Variants in XPO6 observed in about 807,000 individuals in gnomAD.
XPO6 encodes the protein exportin 6.
XPO6 carries 3 observed loss-of-function variants against 130.0 expected under a neutral mutation model. That is an observed-to-expected ratio of 0.02 (90% CI 0.01 to 0.06). XPO6 has a LOEUF of 0.06. Ranked by LOEUF, XPO6 falls within the 10% of genes least tolerant of loss-of-function variation. XPO6 has a pLI of 1.00. For missense variants in XPO6, 970 were observed against 1,393.0 expected (o/e 0.70, Z 4.83); for synonymous variants, 524 against 548.9 (o/e 0.95, Z 0.63).
In XPO6 at chr16:28,124,160, C is replaced by A. The variant is rs949542866; in HGVS notation, c.1766+1529G>T. Among the ~76,000 whole-genome samples the A allele has an allele frequency of 5.9e-5, 9 of 151,558 alleles. No individual in the cohort carries two copies. The East Asian group carries it at 1.8e-3, about 30-fold the overall frequency. Reference sequence around the variant, plus strand: ...GCAACCTCCGCCTCCCAGGTTCAAGCGATTCTCCTGTCTCAGCCTCCTGAG... The same window carrying A: ...GCAACCTCCGCCTCCCAGGTTCAAGAGATTCTCCTGTCTCAGCCTCCTGAG... On this transcript the variant is annotated intron_variant, in intron 13 of 23. Transcript: ENST00000304658.
intron 9 of XPO6, among the ~76,000 whole-genome samples, chr16:28,139,127 A>G (rs2141776978): frequency 6.6e-6 from 1 of 152,330 alleles, no homozygotes. Flanking sequence ...TAAAAAGGTA[A>G]TAAAGTTATG....
intron 9 of XPO6, among the ~76,000 whole-genome samples, chr16:28,143,962 A>G (rs1002815130): frequency 6.6e-6 from 1 of 152,170 alleles, no homozygotes; most frequent in Admixed American, 6.5e-5. Flanking sequence ...AAGCATTTTC[A>G]TATTAATCAT....
At chr16:28,209,345 T>C (rs2044087200) in intron 1 of XPO6, among the ~76,000 whole-genome samples, 1 of 152,002 alleles carries the variant, frequency 6.6e-6, no homozygotes, top group African/African-American at 2.4e-5. Flanking sequence ...AAAACAAAAC[T>C]TAAGTATATT....
intron 15 of XPO6, among the ~76,000 whole-genome samples, chr16:28,114,146 T>TG (rs1198265077): frequency 6.9e-6 from 1 of 144,854 alleles, no homozygotes; most frequent in Non-Finnish European, 1.5e-5. Context: ...ATATGTAAGA[T>TG]GGACATAAAA....
intron 4 of XPO6, among the ~76,000 whole-genome samples, chr16:28,170,924 A>G (rs2043438380): frequency 6.6e-6 from 1 of 152,202 alleles, no homozygotes; most frequent in South Asian, 2.1e-4. Flanking sequence ...CTTATTTTTT[A>G]ATTTCCAGAA....
At chr16:28,146,248 C>T in intron 8 of XPO6, 45 bp from the exon 9 acceptor site, 1 of 1,348,058 alleles carries the variant, frequency 7.4e-7, no homozygotes. Context: ...TTTAATGCTA[C>T]TATTCCTTAG....
At chr16:28,169,676 T>C in intron 5 of XPO6, 74 bp downstream of exon 5, 1 of 1,563,242 alleles carries the variant, frequency 6.4e-7, no homozygotes, top group Non-Finnish European at 8.7e-7. Flanking sequence ...TGCTCAAAGC[T>C]GCTGAGTGCC....
At chr16:28,186,466 T>C (rs1406506667) in intron 1 of XPO6, among the ~76,000 whole-genome samples, 1 of 142,478 alleles carries the variant, frequency 7.0e-6, no homozygotes, top group African/African-American at 2.6e-5. Context: ...TCAAACTCCT[T>C]GGCTCAAGCA....
chr16:28,192,868 A>C (rs1455872697), intron 1 of XPO6, among the ~76,000 whole-genome samples: 1 of 152,176 alleles, frequency 6.6e-6, no homozygotes, highest in East Asian at 1.9e-4. Flanking sequence ...TGTTTTCTCT[A>C]ATGGGAAACA....
intron 15 of XPO6, among the ~76,000 whole-genome samples, chr16:28,114,709 A>G (rs948387781): frequency 6.6e-6 from 1 of 152,188 alleles, no homozygotes; most frequent in African/African-American, 2.4e-5. Flanking sequence ...AAATAAGACA[A>G]CAATGAAGTT....
chr16:28,101,738 C>A lies in XPO6; in HGVS notation c.3046-50G>T. ...CAGCAGCCAGCCCCCAGGGGCCTGTCCCGGGTCCCATCCACTTTCTGTCAC... is the reference window on the plus strand; with the variant it reads ...CAGCAGCCAGCCCCCAGGGGCCTGTACCGGGTCCCATCCACTTTCTGTCAC... On this transcript the variant is annotated intron_variant, in intron 22 of 23. Coordinates refer to ENST00000304658, the MANE Select transcript of XPO6 (RefSeq NM_015171.4). The surrounding 1 kb of genome is among the most constrained non-coding windows in gnomAD (Gnocchi z 5.4). 1 of 1,585,684 alleles carries A rather than the reference C, an allele frequency of 6.3e-7. No individual in the cohort carries two copies. Among genetic ancestry groups the A allele is most frequent in the Non-Finnish European group, 8.6e-7 (1 of 1,162,120 alleles).
chr16:28,133,679 A>G (rs948217260), intron 11 of XPO6, among the ~76,000 whole-genome samples, 162 bp downstream of exon 11: 4 of 152,220 alleles, frequency 2.6e-5, no homozygotes, highest in East Asian at 1.9e-4. Context: ...GGAAATGTTA[A>G]TATTTGTTCA....
intron 17 of XPO6, among the ~76,000 whole-genome samples, chr16:28,108,732 C>T (rs1005494823): frequency 1.3e-5 from 2 of 152,192 alleles, no homozygotes; most frequent in African/African-American, 4.8e-5. Context: ...CTGGGTCCCC[C>T]GAACCCCAGT....
chr16:28,152,642 T>G lies in XPO6; in HGVS notation c.1224+17A>C, dbSNP rs769783924. 1 of 1,599,054 alleles carries G rather than the reference T, an allele frequency of 6.3e-7. No individual in the cohort carries two copies. The highest frequency in any genetic ancestry group is 8.5e-7 in the Non-Finnish European group (1 of 1,176,302). ...AAACCTTTTCTCTGGAAGGGAAGGA[T>G]GACTTTGGTGCTTTACCTGATGAAA... On this transcript the variant is annotated intron_variant, in intron 8 of 23. Transcript: ENST00000304658.
Position 28,129,889 on chromosome 16 carries a change from G to C in XPO6, c.1606+2445C>G, listed in dbSNP as rs12598801. Among the ~76,000 whole-genome samples, 116 of 152,342 alleles carry C rather than the reference G, an allele frequency of 7.6e-4. 1 individual carries two copies. The East Asian group carries it at 0.021, about 28-fold the overall frequency. Reference sequence around the variant, plus strand: ...AAGATGCCAATGAGGGGTGGCAGAAGTCAAATACAGAATGGAGGCTTTGGG... The same window carrying C: ...AAGATGCCAATGAGGGGTGGCAGAACTCAAATACAGAATGGAGGCTTTGGG... On this transcript the variant is annotated intron_variant, in intron 12 of 23. Transcript: ENST00000304658.
rs781283952 is a variant in XPO6, at chr16:28,176,108, T to TA, written c.208-14dup. On this transcript the variant is annotated splice_polypyrimidine_tract_variant and intron_variant, in intron 3 of 23. Transcript: ENST00000304658. ...TATTGATCAGATTCTGAAAAACAAA[T>TA]ATACATCTTTTAAGTTAACAACCTA... 6.2e-7 allele frequency: 1 copy of TA among 1,613,678 alleles called. No individual in the cohort carries two copies. Among genetic ancestry groups the TA allele is most frequent in the Admixed American group, 1.7e-5 (1 of 59,980 alleles).
chr16:28,206,387 A>T (rs1425052835), intron 1 of XPO6, among the ~76,000 whole-genome samples: 1 of 152,018 alleles, frequency 6.6e-6, no homozygotes, highest in Non-Finnish European at 1.5e-5. Context: ...CAAAAAATAA[A>T]AATAAAAAAA....
intron 13 of XPO6, 86 bp from the exon 14 acceptor site, chr16:28,121,848 C>CGT (rs2087250085): frequency 1.2e-6 from 1 of 848,542 alleles, no homozygotes; most frequent in Non-Finnish European, 2.0e-6. Flanking sequence ...CAGCAAAGAG[C>CGT]GTAAGGGCAG....
intron 1 of XPO6, among the ~76,000 whole-genome samples, chr16:28,192,262 CAAAAAA>C (rs11429447): frequency 1.2e-5 from 1 of 82,442 alleles, no homozygotes; most frequent in African/African-American, 4.3e-5. Context: ...GACTCCGTCT[CAAAAAA>C]AAAAAAAAAA....
Sources: gnomAD v4.1 joint callset for allele counts (sites outside exome capture counted in the v4.1 genomes callset) on GRCh38, gnomAD v4.1.1 for gene constraint, Gnocchi (gnomAD v3.1) non-coding constraint, MANE v1.5 for transcripts, NCBI Gene and HGNC (gene_info 2026-07-23, HGNC 2026-07-21) for gene names.